LAMA1: variants seen among roughly 807,000 people sequenced by gnomAD.
LAMA1 encodes the protein laminin subunit alpha 1.
Under a neutral mutation model 348.7 loss-of-function variants are expected in LAMA1, and 219 were observed. That is an observed-to-expected ratio of 0.63 (90% CI 0.56 to 0.70). The LOEUF (loss-of-function observed/expected upper bound fraction) is 0.70. Ranked by LOEUF, LAMA1 falls within the 30% of genes least tolerant of loss-of-function variation. The pLI is 0.00. For missense variants in LAMA1, 3,744 were observed against 3,888.0 expected, an observed-to-expected ratio of 0.96 and a Z score of 0.99; for synonymous variants, 1,487 against 1,491.0, an observed-to-expected ratio of 1.00 and a Z score of 0.06.
intron 3 of LAMA1, among the ~76,000 whole-genome samples, chr18:7,063,816 A>G (rs1029402342): frequency 6.6e-6 from 1 of 152,224 alleles, no homozygotes; most frequent in Non-Finnish European, 1.5e-5. Context: ...TCAAATTCAT[A>G]GACAAAAGCT....
intron 1 of LAMA1, among the ~76,000 whole-genome samples, chr18:7,098,017 G>A (rs893710480): frequency 2.0e-5 from 3 of 150,400 alleles, no homozygotes; most frequent in South Asian, 2.2e-4. Flanking sequence ...GCGCCGCCAC[G>A]CCTGACTGGT....
chr18:7,033,209 G>A lies in LAMA1; in HGVS notation c.2052-114C>T, dbSNP rs1598289978. On this transcript the variant is annotated intron_variant, in intron 14 of 62. Transcript: ENST00000389658. ...CGGCCGGGCGCAGTGGCTCACGCCT[G>A]TAATCCCAGCACTTTGGGAGGCCAA... 1.8e-5 allele frequency: 14 copies of A among 765,124 alleles called. No individual in the cohort carries two copies. In the East Asian group the frequency reaches 3.3e-4, roughly 18 times the overall value. The allele number at this position is 765,124 out of a possible 1,614,324, so 47.4% of individuals were successfully genotyped here. A position where few individuals can be genotyped will look rare whatever the true frequency, so the allele number is the denominator to read the frequency against.
chr18:7,020,465 C>A (rs9967194), intron 19 of LAMA1, among the ~76,000 whole-genome samples: 49,567 of 152,056 alleles, frequency 0.33, 8,371 homozygotes, highest in Middle Eastern at 0.41. Context: ...AATGGGGGGC[C>A]CTACAAGAAG....
chr18:7,099,086 A>G lies in LAMA1; in HGVS notation c.61+18574T>C, dbSNP rs373935404. On this transcript the variant is annotated intron_variant, in intron 1 of 62. Transcript: ENST00000389658. ...TGGTTGCCGTGTCTGTGTAGAAAGAAGTAGACATGGGAGACTTTTCATTTT... is the reference window on the plus strand; with the variant it reads ...TGGTTGCCGTGTCTGTGTAGAAAGAGGTAGACATGGGAGACTTTTCATTTT... 6.5e-3 allele frequency among the ~76,000 whole-genome samples: 983 copies of G among 151,942 alleles called. 12 individuals are homozygous for G. The East Asian group carries it at 0.067, about 10-fold the overall frequency.
At chr18:7,033,117 T>C (rs762355753) in intron 14 of LAMA1, 22 bp from the exon 15 acceptor site, 21 of 1,517,794 alleles carry the variant, frequency 1.4e-5, no homozygotes, top group Middle Eastern at 1.7e-4. Context: ...CAGATTGTTA[T>C]GTGACTCACA....
intron 5 of LAMA1, among the ~76,000 whole-genome samples, chr18:7,046,838 G>GT (rs1357023755): frequency 1.3e-5 from 2 of 152,112 alleles, no homozygotes; most frequent in Non-Finnish European, 2.9e-5. Context: ...ACATGTTAGT[G>GT]TTAATAGACT....
At chr18:7,002,491 T>A (rs1042219238) in intron 29 of LAMA1, 106 bp from the exon 30 acceptor site, 46 of 1,226,342 alleles carry the variant, frequency 3.8e-5, no homozygotes, top group Admixed American at 5.0e-5. Context: ...AGCTAGCTTT[T>A]AAAAATATTC....
chr18:7,054,884 ACTTT>A (rs2058075416), intron 3 of LAMA1, among the ~76,000 whole-genome samples: 2 of 152,212 alleles, frequency 1.3e-5, no homozygotes. Context: ...TCTCTAGCTT[ACTTT>A]AAGAATATAC....
intron 48 of LAMA1, among the ~76,000 whole-genome samples, chr18:6,970,443 G>A (rs771271497): frequency 3.9e-5 from 6 of 152,132 alleles, no homozygotes; most frequent in African/African-American, 7.2e-5. Context: ...AGACAAGAAC[G>A]ATGATCATTT....
intron 23 of LAMA1, among the ~76,000 whole-genome samples, chr18:7,012,539 T>C (rs2057866193): frequency 6.7e-6 from 1 of 149,772 alleles, no homozygotes; most frequent in Non-Finnish European, 1.5e-5. Flanking sequence ...AGAGTCTCGC[T>C]CTGTCACCCA....
chr18:6,987,855 CACAT>C (rs2057742036), intron 36 of LAMA1, among the ~76,000 whole-genome samples: 2 of 152,154 alleles, frequency 1.3e-5, no homozygotes, highest in South Asian at 4.2e-4. Flanking sequence ...AGAACTAAAA[CACAT>C]ACGTAAGAAA....
At chr18:7,076,101 T>C (rs2058166822) in intron 3 of LAMA1, among the ~76,000 whole-genome samples, 1 of 152,108 alleles carries the variant, frequency 6.6e-6, no homozygotes, top group Non-Finnish European at 1.5e-5. Context: ...GTCCCATCCC[T>C]CATGGAGTAT....
chr18:7,038,354 A>G (rs1353277123), intron 11 of LAMA1, among the ~76,000 whole-genome samples: 1 of 152,120 alleles, frequency 6.6e-6, no homozygotes, highest in Non-Finnish European at 1.5e-5. Context: ...TGTTCCGGAA[A>G]CAACTTGGCC....
rs759980050 is a variant in LAMA1 at position 7,079,991 on chromosome 18, G to A, written c.329C>T (p.Thr110Ile). ...CTCACCTACCTGTCTTAAGTCCAGA[G>A]TGATTGTGACCCAGTGATATTCTCT... is the stretch of plus-strand genomic sequence containing the variant. Reference protein sequence around the residue: ...NGREYHWVTITLDLRQVFQVA... With the variant: ...NGREYHWVTIILDLRQVFQVA... Residue 110 changes from threonine to isoleucine, a missense_variant, in exon 3 of 63, where the codon ACT becomes ATT. By Grantham distance (89) the Thr-to-Ile change is moderately conservative. Around this residue, in one of 3 missense-constraint regions of LAMA1, gnomAD observed 1,529 missense variants for 1,689.4 expected, o/e 0.91. Transcript: ENST00000389658. 7.4e-6 allele frequency: 12 copies of A among 1,613,538 alleles called. No homozygotes were observed. The highest frequency in any genetic ancestry group is 2.2e-5 in the East Asian group (1 of 44,896).
intron 29 of LAMA1, among the ~76,000 whole-genome samples, chr18:7,002,921 C>G (rs895411515): frequency 6.6e-6 from 1 of 151,828 alleles, no homozygotes; most frequent in African/African-American, 2.4e-5. Context: ...CCCTGTGTTG[C>G]CCAGGCTAGA....
In LAMA1 at chr18:6,947,227, C is replaced by T; in HGVS notation, c.8780G>A (p.Gly2927Asp). The T allele has an allele frequency of 6.2e-7, 1 of 1,614,172 alleles. No homozygotes were observed. Among genetic ancestry groups the T allele is most frequent in the South Asian group, 1.1e-5 (1 of 91,084 alleles). Reference protein sequence around the residue: ...TLEFRTSSQNGVLLGISTAKV... With the variant: ...TLEFRTSSQNDVLLGISTAKV... Reference sequence around the variant, plus strand: ...GGCAGTGCTGATCCCCAGGAGGACGCCATTCTGCGAGGAGGTTCGAAACTC... The same window carrying T: ...GGCAGTGCTGATCCCCAGGAGGACGTCATTCTGCGAGGAGGTTCGAAACTC... The change falls in exon 61 of 63, where the codon GGC (glycine) becomes GAC (aspartate). Residue 2927 changes from glycine to aspartate, a missense_variant. This residue lies in a region of LAMA1 where 232 missense variants were observed against 264.4 expected (regional missense o/e 0.88). Transcript: ENST00000389658.
chr18:6,995,625 T>C (rs1306827308), intron 33 of LAMA1, among the ~76,000 whole-genome samples, 179 bp from the exon 34 acceptor site: 1 of 152,206 alleles, frequency 6.6e-6, no homozygotes, highest in Non-Finnish European at 1.5e-5. Flanking sequence ...GACATGATTC[T>C]ACACTGCCAT....
intron 49 of LAMA1, chr18:6,965,874 C>T (rs1267603531): frequency 6.6e-6 from 3 of 455,398 alleles, no homozygotes; most frequent in South Asian, 2.6e-5. Flanking sequence ...AATTTAATAA[C>T]AAATGTTGAA....
chr18:7,071,069 A>ATT (rs2058144083), intron 3 of LAMA1, among the ~76,000 whole-genome samples: 1 of 152,178 alleles, frequency 6.6e-6, no homozygotes, highest in African/African-American at 2.4e-5. Context: ...TCCCAACATC[A>ATT]AGAGGGAATT....
Sources: allele counts gnomAD v4.1 joint callset (sites outside exome capture counted in the v4.1 genomes callset), GRCh38; gene constraint gnomAD v4.1.1; regional missense constraint gnomAD v4.1.1; transcripts MANE v1.5; gene names NCBI Gene and HGNC (gene_info 2026-07-23, HGNC 2026-07-21).